Variants in FGF14 observed in about 807,000 individuals in gnomAD.
FGF14 encodes the protein fibroblast growth factor 14, also known as fibroblast growth factor homologous factor 4.
Under a neutral mutation model 25.5 loss-of-function variants are expected in FGF14, and 5 were observed. That is an observed-to-expected ratio of 0.20 (90% CI 0.10 to 0.41). The LOEUF (loss-of-function observed/expected upper bound fraction) is 0.41. FGF14 is among the 10% of genes least tolerant of loss of function. The pLI is 1.00. For synonymous variants in FGF14, 138 were observed against 118.3 expected, an observed-to-expected ratio of 1.17 and a Z score of -1.08; for missense variants, 222 against 320.1, an observed-to-expected ratio of 0.69 and a Z score of 2.34.
chr13:102,237,756 T>A (rs978630044), intron 1 of FGF14, among the ~76,000 whole-genome samples: 1 of 152,212 alleles, frequency 6.6e-6, no homozygotes, highest in Admixed American at 6.5e-5. Flanking sequence ...GAACACTCAA[T>A]CTTCTGTAAA....
rs528319418 is a variant in FGF14 at position 102,199,122 on chromosome 13, A to G, written c.208+202349T>C. On this transcript the variant is annotated intron_variant, in intron 1 of 4. Coordinates refer to the FGF14 transcript ENST00000376131. ...TGTGTAGGTGGTTCTTAGTTTTATT[A>G]TCTTTGCTGTGAGTCACTAATATTG... 4.6e-5 allele frequency among the ~76,000 whole-genome samples: 7 copies of G among 152,322 alleles called. No homozygotes were observed. The South Asian group carries it at 1.5e-3, about 32-fold the overall frequency.
At chr13:102,280,498 G>A (rs2053774413) in intron 1 of FGF14, among the ~76,000 whole-genome samples, 2 of 152,180 alleles carry the variant, frequency 1.3e-5, no homozygotes, top group Non-Finnish European at 2.9e-5. Context: ...AGTGAGAGTG[G>A]AGGGGGCAGT....
intron 3 of FGF14, among the ~76,000 whole-genome samples, chr13:101,833,305 G>A (rs963450540): frequency 6.6e-6 from 1 of 152,060 alleles, no homozygotes; most frequent in African/African-American, 2.4e-5. Context: ...CCTCTGAAAA[G>A]TCAGATTTAT....
chr13:101,722,778 A>T lies in FGF14; in HGVS notation c.*53T>A. 3 of 1,609,104 alleles carry T rather than the reference A, an allele frequency of 1.9e-6. No individual in the cohort carries two copies. The highest frequency in any genetic ancestry group is 2.6e-6 in the Non-Finnish European group (3 of 1,175,942). ...GGAGCAGGAATGTCTGGTGAGGATAAATCACTCAACTGTGCTCAGGACGAA... is the reference window on the plus strand; with the variant it reads ...GGAGCAGGAATGTCTGGTGAGGATATATCACTCAACTGTGCTCAGGACGAA... On this transcript the variant is annotated 3_prime_UTR_variant, in exon 5 of 5. Coordinates refer to ENST00000376143, the MANE Select transcript of FGF14 (RefSeq NM_004115.4).
chr13:102,326,746 GGAAGGAAAGAGGGAGGGAAGGAA>G (rs1566939190), intron 1 of FGF14, among the ~76,000 whole-genome samples: 3 of 93,920 alleles, frequency 3.2e-5, no homozygotes, highest in African/African-American at 1.3e-4. Flanking sequence ...AAGGAAGGAA[GGAAGGAAAGAGGGAGGGAAGGAA>G]GGAAGAAAAA....
intron 1 of FGF14, among the ~76,000 whole-genome samples, chr13:101,954,976 C>T (rs2036424100): frequency 6.6e-6 from 1 of 152,184 alleles, no homozygotes; most frequent in South Asian, 2.1e-4. Flanking sequence ...GAAATGAAGA[C>T]TATTTCCAAA....
At chr13:102,357,726 A>C (rs2057458402) in intron 1 of FGF14, among the ~76,000 whole-genome samples, 1 of 152,202 alleles carries the variant, frequency 6.6e-6, no homozygotes, top group Non-Finnish European at 1.5e-5. Flanking sequence ...TCATGTGTTC[A>C]ATAAATGTCA....
intron 3 of FGF14, among the ~76,000 whole-genome samples, chr13:101,857,308 G>A (rs1269203941): frequency 1.3e-5 from 2 of 151,930 alleles, no homozygotes; most frequent in African/African-American, 2.4e-5. Flanking sequence ...CAAAAAATAC[G>A]TTATTCCCAT....
At chr13:101,945,730 G>A (rs2035761179) in intron 1 of FGF14, among the ~76,000 whole-genome samples, 1 of 152,174 alleles carries the variant, frequency 6.6e-6, no homozygotes, top group African/African-American at 2.4e-5. Context: ...CATTAGCAGT[G>A]GGTATTCCTG....
intron 1 of FGF14, chr13:102,366,375 T>C (rs779048630): frequency 6.6e-6 from 1 of 152,192 alleles, no homozygotes; most frequent in Non-Finnish European, 1.5e-5. Flanking sequence ...TGCTGAATTA[T>C]AATATTCCTT....
At chr13:101,743,718 G>A (rs541401790) in intron 3 of FGF14, among the ~76,000 whole-genome samples, 1 of 152,188 alleles carries the variant, frequency 6.6e-6, no homozygotes, top group African/African-American at 2.4e-5. Context: ...TCTTTTGAAA[G>A]AGAAAATAAA....
chr13:102,084,017 T>C (rs1378994603), intron 1 of FGF14, among the ~76,000 whole-genome samples: 1 of 152,102 alleles, frequency 6.6e-6, no homozygotes, highest in African/African-American at 2.4e-5. Context: ...TCTCTACTTT[T>C]CTCTCTTGTA....
At chr13:102,069,376 T>TG (rs2043055349) in intron 1 of FGF14, among the ~76,000 whole-genome samples, 1 of 152,036 alleles carries the variant, frequency 6.6e-6, no homozygotes, top group Non-Finnish European at 1.5e-5. Flanking sequence ...AGGATGTGGG[T>TG]GGGGCCAGAT....
chr13:102,003,841 T>C (rs2039639243), intron 1 of FGF14, among the ~76,000 whole-genome samples: 1 of 152,146 alleles, frequency 6.6e-6, no homozygotes, highest in Non-Finnish European at 1.5e-5. Flanking sequence ...CCAATGCCCA[T>C]ATATATAGCC....
chr13:102,391,391 T>TGCCACAC (rs1228877807), intron 1 of FGF14, among the ~76,000 whole-genome samples: 1 of 152,316 alleles, frequency 6.6e-6, no homozygotes, highest in East Asian at 1.9e-4. Context: ...GCCACACATG[T>TGCCACAC]ACCAGAATGG....
chr13:101,730,543 G>A (rs1489831834), intron 3 of FGF14, among the ~76,000 whole-genome samples: 1 of 152,016 alleles, frequency 6.6e-6, no homozygotes, highest in Non-Finnish European at 1.5e-5. Flanking sequence ...TCCTTATAAG[G>A]GACCTAAAAA....
intron 1 of FGF14, among the ~76,000 whole-genome samples, chr13:102,181,519 A>G (rs1179330536): frequency 3.3e-5 from 5 of 152,182 alleles, no homozygotes; most frequent in Non-Finnish European, 7.4e-5. Flanking sequence ...GATGCCTTAT[A>G]AGAAGAGGAG....
At chr13:102,249,383 T>C (rs1002007387) in intron 1 of FGF14, among the ~76,000 whole-genome samples, 26 of 152,034 alleles carry the variant, frequency 1.7e-4, no homozygotes, top group African/African-American at 5.3e-4. Flanking sequence ...AAACAAAAAA[T>C]GTAAATTGAC....
intron 1 of FGF14, among the ~76,000 whole-genome samples, chr13:102,060,672 C>A (rs1324419927): frequency 6.6e-6 from 1 of 152,112 alleles, no homozygotes; most frequent in Non-Finnish European, 1.5e-5. Flanking sequence ...ATTTAAAAAT[C>A]AGTAAAAATC....
Sources: allele counts gnomAD v4.1 joint callset (sites outside exome capture counted in the v4.1 genomes callset), GRCh38; gene constraint gnomAD v4.1.1; transcripts MANE v1.5; gene names NCBI Gene and HGNC (gene_info 2026-07-23, HGNC 2026-07-21).